Variants in SHTN1 observed in about 807,000 individuals in gnomAD.
SHTN1 encodes the protein shootin-1.
In SHTN1, 42 loss-of-function variants were observed where a neutral mutation model predicts 83.1. That is an observed-to-expected ratio of 0.51 (90% CI 0.39 to 0.65). The LOEUF is 0.65. SHTN1 is among the 30% of genes least tolerant of loss of function. The pLI, the probability that SHTN1 is intolerant of heterozygous loss-of-function variation, is 0.00. For missense variants in SHTN1, 622 were observed against 737.8 expected (o/e 0.84, Z 1.82); for synonymous variants, 224 against 247.7 (o/e 0.90, Z 0.90).
intron 3 of SHTN1, among the ~76,000 whole-genome samples, chr10:116,966,183 A>G (rs931172310): frequency 2.0e-4 from 31 of 151,972 alleles, no homozygotes; most frequent in African/African-American, 7.3e-4. Flanking sequence ...AATTTTTTGT[A>G]TTTTTACTAG....
At chr10:117,061,694 C>T (rs1158472669) in intron 1 of SHTN1, among the ~76,000 whole-genome samples, 12 of 152,184 alleles carry the variant, frequency 7.9e-5, no homozygotes, top group Non-Finnish European at 1.5e-4. Flanking sequence ...TGGTCTCAAA[C>T]TCCCGACCTC....
intron 16 of SHTN1, among the ~76,000 whole-genome samples, chr10:116,889,864 G>A (rs774008823): frequency 2.6e-5 from 4 of 152,078 alleles, no homozygotes; most frequent in Admixed American, 2.0e-4. Context: ...CCTGTGGTTT[G>A]TAGCTCCTCC....
At chr10:117,017,396 A>C (rs970238332) in intron 2 of SHTN1, among the ~76,000 whole-genome samples, 3 of 151,328 alleles carry the variant, frequency 2.0e-5, no homozygotes, top group African/African-American at 7.3e-5. Flanking sequence ...GAGGCTGAGG[A>C]AGGAGAATGG....
chr10:117,005,234 C>G, upstream of SHTN1: 1 of 1,490,036 alleles, frequency 6.7e-7, no homozygotes. Flanking sequence ...GCGGAGCGCG[C>G]GAGTGAGATC....
chr10:116,932,820 T>C (rs1053163879), intron 9 of SHTN1, among the ~76,000 whole-genome samples: 3 of 152,194 alleles, frequency 2.0e-5, no homozygotes, highest in African/African-American at 4.8e-5. Context: ...ATTTCATTGA[T>C]AACTTTAATC....
chr10:116,995,438 T>G (rs1199959668), intron 1 of SHTN1, among the ~76,000 whole-genome samples: 1 of 152,220 alleles, frequency 6.6e-6, no homozygotes, highest in Non-Finnish European at 1.5e-5. Context: ...GAAACACTAC[T>G]GATTCTTTTA....
chr10:117,108,593 A>T (rs1181981618), intron 1 of SHTN1, among the ~76,000 whole-genome samples: 1 of 150,454 alleles, frequency 6.6e-6, no homozygotes, highest in Non-Finnish European at 1.5e-5. Flanking sequence ...GAATTAGGAG[A>T]TATACCTAAT....
chr10:117,040,211 G>A (rs1043744153), intron 2 of SHTN1, among the ~76,000 whole-genome samples: 5 of 152,116 alleles, frequency 3.3e-5, no homozygotes, highest in Admixed American at 6.5e-5. Flanking sequence ...AAATACAAAG[G>A]ACTTAGGGTA....
At position 116,925,186 on chromosome 10, in the gene SHTN1, T is replaced by C. The variant is rs148262348; in HGVS notation, c.1112+2606A>G. On this transcript the variant is annotated intron_variant, in intron 11 of 16. Coordinates refer to ENST00000355371, the MANE Select transcript of SHTN1 (RefSeq NM_001127211.3). The stretch of plus-strand genomic sequence containing the variant: ...CTATTCTGGTGTTTCCATGAGGATG[T>C]TGTGGATGACATTAACATTTCAATC... Among the ~76,000 whole-genome samples, 637 of 152,336 alleles carry C rather than the reference T, an allele frequency of 4.2e-3. 11 individuals are homozygous for C. The highest frequency in any genetic ancestry group is 0.028 in the Admixed American group (434 of 15,312).
chr10:116,993,761 A>G (rs1199837203), intron 1 of SHTN1, among the ~76,000 whole-genome samples: 3 of 152,166 alleles, frequency 2.0e-5, no homozygotes, highest in Non-Finnish European at 4.4e-5. Context: ...TTAAAATAAT[A>G]TATTTTATAA....
At chr10:117,080,965 TC>T (rs1169144099) in intron 1 of SHTN1, among the ~76,000 whole-genome samples, 1 of 150,822 alleles carries the variant, frequency 6.6e-6, no homozygotes, top group African/African-American at 2.4e-5. Context: ...AGATATACAA[TC>T]ATGTCATCTG....
At position 117,005,022 on chromosome 10, in the gene SHTN1, C is replaced by T. The variant is rs1402661565; in HGVS notation, c.58G>A (p.Ala20Thr). 2.5e-6 allele frequency: 4 copies of T among 1,595,010 alleles called. No individual in the cohort carries two copies. The highest frequency in any genetic ancestry group is 3.4e-6 in the Non-Finnish European group (4 of 1,171,332). Residue 20 changes from alanine to threonine, a missense_variant and splice_region_variant, in exon 1 of 17, where the codon GCA becomes ACA. This residue lies in a region of SHTN1 where 383 missense variants were observed against 455.8 expected (regional missense o/e 0.84). Coordinates refer to ENST00000355371, the MANE Select transcript of SHTN1 (RefSeq NM_001127211.3). Reference protein sequence around the residue: ...LQLITSLKEQAIGEYEDLRAE... With the variant: ...LQLITSLKEQTIGEYEDLRAE... ...CACCTGGCGCCCGCGTGCTGCCTACCTTGCTCCTTCAGACTGGTAATGAGC... is the reference window on the plus strand; with the variant it reads ...CACCTGGCGCCCGCGTGCTGCCTACTTTGCTCCTTCAGACTGGTAATGAGC...
intron 4 of SHTN1, among the ~76,000 whole-genome samples, 186 bp downstream of exon 4, chr10:116,959,949 CT>C (rs1850123296): frequency 6.6e-6 from 1 of 152,142 alleles, no homozygotes; most frequent in South Asian, 2.1e-4. Flanking sequence ...TTGGAATAAC[CT>C]TTGCATTAAG....
At chr10:117,067,556 C>T (rs1853020126) in intron 1 of SHTN1, among the ~76,000 whole-genome samples, 1 of 152,012 alleles carries the variant, frequency 6.6e-6, no homozygotes, top group Non-Finnish European at 1.5e-5. Context: ...GATCGCGCCA[C>T]TGTACTCCAG....
At chr10:116,979,752 G>A (rs561179669) in intron 1 of SHTN1, among the ~76,000 whole-genome samples, 1 of 152,354 alleles carries the variant, frequency 6.6e-6, no homozygotes, top group African/African-American at 2.4e-5. Context: ...AAGGATTCAG[G>A]CAGGTGTTCC....
intron 15 of SHTN1, among the ~76,000 whole-genome samples, chr10:116,903,259 G>A (rs1482878495): frequency 1.3e-5 from 2 of 152,078 alleles, no homozygotes; most frequent in Admixed American, 6.6e-5. Flanking sequence ...CCGGCTGTAC[G>A]TGGTGGCTCA....
chr10:116,911,286 TA>T (rs147043241), intron 14 of SHTN1, among the ~76,000 whole-genome samples: 1 of 152,060 alleles, frequency 6.6e-6, no homozygotes, highest in East Asian at 1.9e-4. Flanking sequence ...ACTAGTAACA[TA>T]AAAAAAGGGC....
intron 14 of SHTN1, among the ~76,000 whole-genome samples, chr10:116,907,347 C>T (rs746025641): frequency 6.6e-6 from 1 of 152,160 alleles, no homozygotes; most frequent in Non-Finnish European, 1.5e-5. Flanking sequence ...GAGAGGCAAG[C>T]AAGGGTCGGC....
chr10:116,891,291 C>T (rs1490421241), intron 16 of SHTN1, among the ~76,000 whole-genome samples: 1 of 152,230 alleles, frequency 6.6e-6, no homozygotes, highest in Non-Finnish European at 1.5e-5. Context: ...ATTTCTATTT[C>T]ACTTCTGAGG....
Sources: allele counts gnomAD v4.1 joint callset (sites outside exome capture counted in the v4.1 genomes callset), GRCh38; gene constraint gnomAD v4.1.1; regional missense constraint gnomAD v4.1.1; transcripts MANE v1.5; gene names NCBI Gene and HGNC (gene_info 2026-07-23, HGNC 2026-07-21).